Variants in DNAJC10 observed in about 807,000 individuals in gnomAD.
DNAJC10 encodes endoplasmic reticulum disulfide reductase DNAJC10.
In DNAJC10, 101 loss-of-function variants were observed where a neutral mutation model predicts 115.0. That is an observed-to-expected ratio of 0.88 (90% CI 0.75 to 1.04). The LOEUF is 1.04. DNAJC10 is among the 50% of genes least tolerant of loss of function. The pLI is 0.00. For synonymous variants in DNAJC10, 307 were observed against 301.5 expected (o/e 1.02, Z -0.19); for missense variants, 981 against 928.8 (o/e 1.06, Z -0.73).
At position 182,781,200 on chromosome 2, in the gene DNAJC10, G is replaced by A. The variant is rs964303985; in HGVS notation, c.*4068G>A. On this transcript the variant is annotated 3_prime_UTR_variant, in exon 24 of 24. Coordinates refer to ENST00000264065, the MANE Select transcript of DNAJC10 (RefSeq NM_018981.4). ...TTCTCATTGTTCAACTCCCACTTACGAGTGACAACATGTGGTGTTTGGTTT... is the reference window on the plus strand; with the variant it reads ...TTCTCATTGTTCAACTCCCACTTACAAGTGACAACATGTGGTGTTTGGTTT... 6 of 151,976 alleles carry A rather than the reference G, an allele frequency of 3.9e-5. No homozygotes were observed. The highest frequency in any genetic ancestry group is 9.7e-5 in the African/African-American group (4 of 41,416). 9.4% of individuals were successfully genotyped at this position (151,976 alleles called of 1,614,324 possible).
chr2:182,751,253 G>A (rs1444598297), intron 14 of DNAJC10, among the ~76,000 whole-genome samples: 2 of 143,806 alleles, frequency 1.4e-5, no homozygotes, highest in Non-Finnish European at 3.0e-5. Context: ...TCCTGCCTCA[G>A]CCTCCTGAGT....
Position 182,729,886 on chromosome 2 carries a change from T to C in DNAJC10, c.672T>C (p.Ser224=), listed in dbSNP as rs1473226563. ...ATCATGGAGACAGATCAAAGGAGAG[T>C]TTAGTGAGTTTTGCAATGCAGCATG... The part of the protein sequence containing the change: ...VKYHGDRSKE[S]LVSFAMQHVR... The change falls in exon 8 of 24, where the codon AGT becomes AGC. Residue 224 remains serine, a synonymous_variant. Coordinates refer to ENST00000264065, the MANE Select transcript of DNAJC10 (RefSeq NM_018981.4). 1 of 1,609,662 alleles carries C rather than the reference T, an allele frequency of 6.2e-7. No individual in the cohort carries two copies. Among genetic ancestry groups the C allele is most frequent in the African/African-American group, 1.3e-5 (1 of 74,540 alleles).
At chr2:182,730,653 GAGA>G (rs1693421377) in intron 8 of DNAJC10, 7 of 408,454 alleles carry the variant, frequency 1.7e-5, no homozygotes, top group Non-Finnish European at 3.3e-5. Context: ...GAAGCCTTAG[GAGA>G]TCACTGTGTA....
At position 182,777,751 on chromosome 2, in the gene DNAJC10, A is replaced by G. The variant is rs778919339; in HGVS notation, c.*619A>G. 6 of 152,206 alleles carry G rather than the reference A, an allele frequency of 3.9e-5. No individual in the cohort carries two copies. The highest frequency in any genetic ancestry group is 6.5e-5 in the Admixed American group (1 of 15,268). 9.4% of individuals were successfully genotyped at this position (152,206 alleles called of 1,614,324 possible). On this transcript the variant is annotated 3_prime_UTR_variant, in exon 24 of 24. Transcript: ENST00000264065. ...ACAAACCCTGTTATGCTGTATTATT[A>G]TGAGGAGATTCTTCATTGTTTTCTT...
chr2:182,791,953 C>G lies in DNAJC10; in HGVS notation c.*14821C>G, dbSNP rs1695058151. 1 of 150,852 alleles carries G rather than the reference C, an allele frequency of 6.6e-6. No individual in the cohort carries two copies. The highest frequency in any genetic ancestry group is 2.1e-4 in the South Asian group (1 of 4,826). 9.3% of individuals were successfully genotyped at this position (150,852 alleles called of 1,614,324 possible). A position where few individuals can be genotyped will look rare whatever the true frequency, so the allele number is the denominator to read the frequency against. On this transcript the variant is annotated 3_prime_UTR_variant, in exon 24 of 24. Transcript: ENST00000264065. ...GAAGATACACATTTTAAATTTAACTCTAAACAATGCAATAATCTAGAGAAT... is the reference window on the plus strand; with the variant it reads ...GAAGATACACATTTTAAATTTAACTGTAAACAATGCAATAATCTAGAGAAT...
chr2:182,735,781 G>A (rs942790551), intron 10 of DNAJC10, among the ~76,000 whole-genome samples: 2 of 152,074 alleles, frequency 1.3e-5, no homozygotes, highest in Admixed American at 6.5e-5. Flanking sequence ...CTTAGCCACT[G>A]TAGATGAAAA....
intron 16 of DNAJC10, 183 bp from the exon 17 acceptor site, chr2:182,754,820 T>C (rs1004320765): frequency 1.5e-6 from 2 of 1,365,314 alleles, no homozygotes. Context: ...TCATCAGTAT[T>C]TAGCAGTATT....
chr2:182,754,685 C>T lies in DNAJC10; in HGVS notation c.1552-318C>T, dbSNP rs931700006. 2.0e-5 allele frequency: 19 copies of T among 961,742 alleles called. No homozygotes were observed. The Middle Eastern group carries it at 1.5e-3, about 75-fold the overall frequency. 59.6% of individuals were successfully genotyped at this position (961,742 alleles called of 1,614,324 possible). ...AGATATAGCCTGTTGTTTATAGCCT[C>T]TTCTTACCTTGGTTCAGGAGAGTAA... On this transcript the variant is annotated intron_variant, in intron 16 of 23. Coordinates refer to ENST00000264065, the MANE Select transcript of DNAJC10 (RefSeq NM_018981.4).
chr2:182,742,157 G>A (rs1054270357), intron 13 of DNAJC10, among the ~76,000 whole-genome samples: 20 of 151,870 alleles, frequency 1.3e-4, no homozygotes, highest in Admixed American at 1.3e-3. Flanking sequence ...TATATCAAAC[G>A]ATGCAGAACT....
rs1695074015 is a variant in DNAJC10 at position 182,792,727 on chromosome 2, G to A, written c.*15595G>A. ...TAATCCTCCTTGTCATCTTTCCTTT[G>A]GCCTTCCTGAATAGAAATCATTTAT... On this transcript the variant is annotated 3_prime_UTR_variant, in exon 24 of 24. Transcript: ENST00000264065. 1 of 152,080 alleles carries A rather than the reference G, an allele frequency of 6.6e-6. No individual in the cohort carries two copies. Among genetic ancestry groups the A allele is most frequent in the African/African-American group, 2.4e-5 (1 of 41,416 alleles). The allele number at this position is 152,080 out of a possible 1,614,324, so 9.4% of individuals were successfully genotyped here.
Position 182,780,884 on chromosome 2 carries a change from A to AG in DNAJC10, c.*3753dup, listed in dbSNP as rs1207967560. The AG allele has an allele frequency of 4.6e-5, 7 of 152,254 alleles. No homozygotes were observed. The highest frequency in any genetic ancestry group is 1.7e-4 in the African/African-American group (7 of 41,564). 9.4% of individuals were successfully genotyped at this position (152,254 alleles called of 1,614,324 possible). ...AAGTAGTCATTTGAGTGCATCACCT[A>AG]GTGGCCTTTGGTCCTGAAAGTTAGC... On this transcript the variant is annotated 3_prime_UTR_variant, in exon 24 of 24. Transcript: ENST00000264065.
chr2:182,737,675 TCTTC>T (rs1207936715), intron 11 of DNAJC10, among the ~76,000 whole-genome samples: 3 of 152,218 alleles, frequency 2.0e-5, no homozygotes, highest in East Asian at 3.8e-4. Context: ...TCATTCAATA[TCTTC>T]CTTAGGATAT....
Position 182,792,358 on chromosome 2 carries a change from C to T in DNAJC10, c.*15226C>T, listed in dbSNP as rs1328185466. 6.6e-6 allele frequency: 1 copy of T among 152,020 alleles called. No homozygotes were observed. Among genetic ancestry groups the T allele is most frequent in the Non-Finnish European group, 1.5e-5 (1 of 67,988 alleles). The allele number at this position is 152,020 out of a possible 1,614,324, so 9.4% of individuals were successfully genotyped here. A position where few individuals can be genotyped will look rare whatever the true frequency, so the allele number is the denominator to read the frequency against. ...TGGAACAGGATAACATTTTGAGGTA[C>T]AAAAAATAATGAAGAGGATATATTC... On this transcript the variant is annotated 3_prime_UTR_variant, in exon 24 of 24. Coordinates refer to ENST00000264065, the MANE Select transcript of DNAJC10 (RefSeq NM_018981.4).
chr2:182,783,968 A>G lies in DNAJC10; in HGVS notation c.*6836A>G, dbSNP rs1220995223. ...AATATAAATTAATCCTATCAAGTTA[A>G]TTTGTAATAAATTCAAGATGCAAAA... On this transcript the variant is annotated 3_prime_UTR_variant, in exon 24 of 24. Transcript: ENST00000264065. 2 of 152,236 alleles carry G rather than the reference A, an allele frequency of 1.3e-5. No individual in the cohort carries two copies. The highest frequency in any genetic ancestry group is 4.8e-5 in the African/African-American group (2 of 41,466). 9.4% of individuals were successfully genotyped at this position (152,236 alleles called of 1,614,324 possible).
rs1253506611 is a variant in DNAJC10 at position 182,787,842 on chromosome 2, GC to G, written c.*10713del. ...AGGCTGAGGTGGGAGGACTGCTTGA[GC>G]CCAGGAGGTCCAGGCTGCAGTGAGC... On this transcript the variant is annotated 3_prime_UTR_variant, in exon 24 of 24. Coordinates refer to ENST00000264065, the MANE Select transcript of DNAJC10 (RefSeq NM_018981.4). 1 of 152,404 alleles carries G rather than the reference GC, an allele frequency of 6.6e-6. No individual in the cohort carries two copies. Among genetic ancestry groups the G allele is most frequent in the East Asian group, 1.9e-4 (1 of 5,196 alleles). 9.4% of individuals were successfully genotyped at this position (152,404 alleles called of 1,614,324 possible).
chr2:182,772,386 G>T (rs1391034972), intron 22 of DNAJC10, among the ~76,000 whole-genome samples: 1 of 152,132 alleles, frequency 6.6e-6, no homozygotes, highest in Admixed American at 6.6e-5. Flanking sequence ...TTAACCTTGT[G>T]TCTCATTGAT....
rs375589522 is a variant in DNAJC10, at chr2:182,755,095, G to A, written c.1644G>A (p.Glu548=). 2.0e-5 allele frequency: 31 copies of A among 1,583,622 alleles called. No individual in the cohort carries two copies. Among genetic ancestry groups the A allele is most frequent in the Non-Finnish European group, 2.5e-5 (29 of 1,152,614 alleles). Residue 548 remains glutamate, a synonymous_variant, in exon 17 of 24, where the codon GAG becomes GAA. Transcript: ENST00000264065. ...EGHHSAEQIL[E]FIEDLMNPSV... The stretch of plus-strand genomic sequence containing the variant: ...ATCACTCTGCTGAACAAATCTTGGA[G>A]TTCATAGAGGTATTTCAGATTATAG...
At chr2:182,738,486 A>G (rs532150604) in intron 11 of DNAJC10, among the ~76,000 whole-genome samples, 31 of 152,310 alleles carry the variant, frequency 2.0e-4, no homozygotes, top group Non-Finnish European at 3.5e-4. Context: ...GAAATGTAAT[A>G]ACAGGGAGTG....
intron 18 of DNAJC10, 115 bp downstream of exon 18, chr2:182,756,584 G>A (rs761345989): frequency 8.4e-5 from 84 of 996,580 alleles, no homozygotes; most frequent in Non-Finnish European, 1.2e-4. Flanking sequence ...CTTAATAACA[G>A]TACTGATCAT....
Sources: allele counts gnomAD v4.1 joint callset (sites outside exome capture counted in the v4.1 genomes callset), GRCh38; gene constraint gnomAD v4.1.1; transcripts MANE v1.5; gene names NCBI Gene and HGNC (gene_info 2026-07-23, HGNC 2026-07-21).